The following LRFN5 variants were observed in gnomAD, a reference collection of about 807,000 sequenced individuals.
LRFN5 encodes leucine rich repeat and fibronectin type III domain containing 5, also known as leucine-rich repeat and fibronectin type-III domain-containing protein 5.
In LRFN5, 24 loss-of-function variants were observed where a neutral mutation model predicts 45.6. That is an observed-to-expected ratio of 0.53 (90% CI 0.38 to 0.74). The LOEUF is 0.74. Ranked by LOEUF, LRFN5 falls within the 30% of genes least tolerant of loss-of-function variation. LRFN5 has a pLI of 0.00. For synonymous variants in LRFN5, 340 were observed against 313.8 expected (o/e 1.08, Z -0.88); for missense variants, 776 against 861.5 (o/e 0.90, Z 1.24).
At chr14:41,781,414 C>T (rs1472472456) in intron 2 of LRFN5, among the ~76,000 whole-genome samples, 7 of 147,504 alleles carry the variant, frequency 4.7e-5, no homozygotes, top group Non-Finnish European at 1.0e-4. Flanking sequence ...GGTAGGATCA[C>T]TTGAGCATGG....
At chr14:41,622,469 A>G (rs1006118585) in intron 1 of LRFN5, among the ~76,000 whole-genome samples, 1 of 152,124 alleles carries the variant, frequency 6.6e-6, no homozygotes, top group Non-Finnish European at 1.5e-5. Flanking sequence ...GACCATATAC[A>G]TGTATGAATA....
intron 2 of LRFN5, among the ~76,000 whole-genome samples, chr14:41,865,265 CTACTT>C (rs1889800182): frequency 6.6e-6 from 1 of 152,130 alleles, no homozygotes; most frequent in Non-Finnish European, 1.5e-5. Flanking sequence ...AACCACCACT[CTACTT>C]TCCATCTCTG....
At chr14:41,808,234 GGAAT>G (rs1484841088) in intron 2 of LRFN5, among the ~76,000 whole-genome samples, 27 of 111,592 alleles carry the variant, frequency 2.4e-4, no homozygotes, top group African/African-American at 3.0e-4. Flanking sequence ...AAGGAAGGAA[GGAAT>G]TGAGGGAGGG....
chr14:41,903,475 T>G (rs1041457292), intron 5 of LRFN5, among the ~76,000 whole-genome samples: 2 of 151,376 alleles, frequency 1.3e-5, no homozygotes, highest in African/African-American at 4.8e-5. Flanking sequence ...AAGAATAGAC[T>G]TCATTAGACA....
intron 1 of LRFN5, among the ~76,000 whole-genome samples, chr14:41,683,761 A>G (rs919963384): frequency 1.3e-5 from 2 of 152,178 alleles, no homozygotes; most frequent in Admixed American, 6.5e-5. Context: ...CACCTTTACA[A>G]TTAAAACTAT....
intron 2 of LRFN5, among the ~76,000 whole-genome samples, chr14:41,847,987 A>G (rs1291291157): frequency 1.3e-5 from 2 of 152,190 alleles, no homozygotes; most frequent in Non-Finnish European, 2.9e-5. Flanking sequence ...TGCAGAAATG[A>G]TGTGAAAACC....
At chr14:41,746,617 C>T (rs577798812) in intron 1 of LRFN5, among the ~76,000 whole-genome samples, 15 of 152,014 alleles carry the variant, frequency 9.9e-5, no homozygotes, top group African/African-American at 3.6e-4. Flanking sequence ...TATATTTCCT[C>T]TTTTGAGCAA....
At position 41,695,358 on chromosome 14, in the gene LRFN5, C is replaced by A. The variant is rs1190494008; in HGVS notation, c.-196-71496C>A. On this transcript the variant is annotated intron_variant, in intron 1 of 5. Coordinates refer to ENST00000298119, the MANE Select transcript of LRFN5 (RefSeq NM_152447.5). The stretch of plus-strand genomic sequence containing the variant: ...AGCTGCAACAAGTTATGCAGAAGAC[C>A]TGGACAAGATATTGAATTAAAGTGG... Among the ~76,000 whole-genome samples, 3 of 151,842 alleles carry A rather than the reference C, an allele frequency of 2.0e-5. No individual in the cohort carries two copies. The East Asian group carries it at 5.8e-4, about 29-fold the overall frequency.
intron 1 of LRFN5, among the ~76,000 whole-genome samples, chr14:41,735,729 A>G (rs900776817): frequency 2.0e-5 from 3 of 152,008 alleles, no homozygotes; most frequent in African/African-American, 4.8e-5. Flanking sequence ...GACATTAGGT[A>G]TTTCTCCTAA....
intron 2 of LRFN5, among the ~76,000 whole-genome samples, chr14:41,873,029 T>A (rs2139121953): frequency 6.6e-6 from 1 of 152,348 alleles, no homozygotes; most frequent in South Asian, 2.1e-4. Context: ...ACTGAGTTGA[T>A]GTAGCATTGT....
chr14:41,780,387 G>A (rs1007198130), intron 2 of LRFN5, among the ~76,000 whole-genome samples: 2 of 136,670 alleles, frequency 1.5e-5, no homozygotes, highest in African/African-American at 2.8e-5. Flanking sequence ...GTTAAGGATT[G>A]TTGTGTCTTC....
chr14:41,861,953 T>G (rs138791387), intron 2 of LRFN5, among the ~76,000 whole-genome samples: 1 of 152,232 alleles, frequency 6.6e-6, no homozygotes, highest in African/African-American at 2.4e-5. Context: ...GGACCTGGTG[T>G]GAGGTGATCA....
chr14:41,724,151 T>A (rs544747503), intron 1 of LRFN5, among the ~76,000 whole-genome samples: 166 of 152,292 alleles, frequency 1.1e-3, no homozygotes, highest in African/African-American at 4.0e-3. Context: ...ACCCATCTCT[T>A]CTCCTTCTTG....
chr14:41,831,298 CACT>C lies in LRFN5; in HGVS notation c.-20-55303_-20-55301del, dbSNP rs1336742509. ...CTTAAATACTGAGATATAACTTAATCACTACTAACACATTTTATGAATAGGAGA... is the reference window on the plus strand; with the variant it reads ...CTTAAATACTGAGATATAACTTAATCACTAACACATTTTATGAATAGGAGA... On this transcript the variant is annotated intron_variant, in intron 2 of 5. Transcript: ENST00000298119. Among the ~76,000 whole-genome samples the C allele has an allele frequency of 2.0e-5, 3 of 152,142 alleles. No individual in the cohort carries two copies. The East Asian group carries it at 5.8e-4, about 29-fold the overall frequency.
At chr14:41,840,252 A>G (rs111373436) in intron 2 of LRFN5, among the ~76,000 whole-genome samples, 38 of 152,106 alleles carry the variant, frequency 2.5e-4, no homozygotes, top group African/African-American at 7.5e-4. Flanking sequence ...TTTCTCACCA[A>G]TGTAAAACTA....
intron 1 of LRFN5, among the ~76,000 whole-genome samples, chr14:41,755,575 CT>C (rs1490410843): frequency 6.6e-6 from 1 of 152,108 alleles, no homozygotes; most frequent in Non-Finnish European, 1.5e-5. Flanking sequence ...TTATCAGAGA[CT>C]AGGATTGCAA....
chr14:41,881,408 ATAGT>A (rs373600733), intron 2 of LRFN5, among the ~76,000 whole-genome samples: 84 of 151,994 alleles, frequency 5.5e-4, no homozygotes, highest in African/African-American at 1.9e-3. Context: ...GTTGTAAATT[ATAGT>A]TATTCTCCAT....
At chr14:41,838,262 G>T (rs1277661394) in intron 2 of LRFN5, among the ~76,000 whole-genome samples, 1 of 152,068 alleles carries the variant, frequency 6.6e-6, no homozygotes, top group Non-Finnish European at 1.5e-5. Flanking sequence ...ACTATTATGA[G>T]ATTTTAATGC....
Position 41,656,547 on chromosome 14 carries a change from A to G in LRFN5, c.-197+47985A>G, listed in dbSNP as rs540578665. Among the ~76,000 whole-genome samples the G allele has an allele frequency of 2.7e-3, 414 of 152,012 alleles. 3 individuals are homozygous for G. Among genetic ancestry groups the G allele is most frequent in the South Asian group, 7.9e-3 (38 of 4,826 alleles). On this transcript the variant is annotated intron_variant, in intron 1 of 5. Coordinates refer to ENST00000298119, the MANE Select transcript of LRFN5 (RefSeq NM_152447.5). ...CTTCCAGTCAGGATGAATATTGGGC[A>G]TGAGAAGGGAGTATAGGGGAGGGGA... is the stretch of plus-strand genomic sequence containing the variant.
Sources: allele counts gnomAD v4.1 joint callset (sites outside exome capture counted in the v4.1 genomes callset), GRCh38; gene constraint gnomAD v4.1.1; transcripts MANE v1.5; gene names NCBI Gene and HGNC (gene_info 2026-07-23, HGNC 2026-07-21).